PIWIL2: variants seen among roughly 807,000 people sequenced by gnomAD.
PIWIL2 encodes the protein piwi-like protein 2.
PIWIL2 carries 81 observed loss-of-function variants against 116.5 expected under a neutral mutation model. That is an observed-to-expected ratio of 0.70 (90% CI 0.58 to 0.84). The LOEUF (loss-of-function observed/expected upper bound fraction) is 0.84, where lower values mean the gene tolerates loss of function less well. Ranked by LOEUF, PIWIL2 falls within the 40% of genes least tolerant of loss-of-function variation. The probability of loss-of-function intolerance (pLI) is 0.00; values close to 1 mark genes in which losing one functional copy is unlikely to be tolerated. For synonymous variants in PIWIL2, 489 were observed against 429.5 expected (o/e 1.14, Z -1.71); for missense variants, 1,272 against 1,212.3 (o/e 1.05, Z -0.73).
At position 22,355,742 on chromosome 8, in the gene PIWIL2, G is replaced by C. The variant is rs1832475590; in HGVS notation, c.*237G>C. On this transcript the variant is annotated 3_prime_UTR_variant, in exon 23 of 23. Coordinates refer to ENST00000356766, the MANE Select transcript of PIWIL2 (RefSeq NM_018068.5). ...GTGTAGAGCAAGTTACGGTGGTACT[G>C]CCACTCTGCAGGTGGAGCGGGTGAC... 4 of 501,536 alleles carry C rather than the reference G, an allele frequency of 8.0e-6. No individual in the cohort carries two copies. Among genetic ancestry groups the C allele is most frequent in the Non-Finnish European group, 1.1e-5 (3 of 277,656 alleles). 31.1% of individuals were successfully genotyped at this position (501,536 alleles called of 1,614,324 possible). A position where few individuals can be genotyped will look rare whatever the true frequency, so the allele number is the denominator to read the frequency against.
rs746064496 is a variant in PIWIL2, at chr8:22,304,213, G to A, written c.1370+4G>A. 3.7e-6 allele frequency: 6 copies of A among 1,606,274 alleles called. No homozygotes were observed. The South Asian group carries it at 5.5e-5, about 15-fold the overall frequency. On this transcript the variant is annotated splice_donor_region_variant and intron_variant, in intron 11 of 22. Coordinates refer to ENST00000356766, the MANE Select transcript of PIWIL2 (RefSeq NM_018068.5). ...TCACATTCTTGGAATACTACAGGTA[G>A]CAAGAAGAGACTGGGTTTGGGCCTC... is the stretch of plus-strand genomic sequence containing the variant.
chr8:22,357,123 T>A lies in PIWIL2; in HGVS notation c.*1618T>A, dbSNP rs1476052450. The A allele has an allele frequency of 2.0e-5, 3 of 152,172 alleles. No individual in the cohort carries two copies. Among genetic ancestry groups the A allele is most frequent in the Non-Finnish European group, 4.4e-5 (3 of 68,040 alleles). 9.4% of individuals were successfully genotyped at this position (152,172 alleles called of 1,614,324 possible). ...AGCACATATACTAAAATTAAAATGA[T>A]ATAGAGAAGATTAGCATATAGAAAA... On this transcript the variant is annotated 3_prime_UTR_variant, in exon 23 of 23. Transcript: ENST00000356766.
At chr8:22,276,449 G>C (rs560505319) in intron 1 of PIWIL2, among the ~76,000 whole-genome samples, 1 of 152,156 alleles carries the variant, frequency 6.6e-6, no homozygotes, top group African/African-American at 2.4e-5. Flanking sequence ...CCGAGTAGCT[G>C]GGATTACAGG....
rs1256078554 is a variant in PIWIL2, at chr8:22,316,187, T to C, written c.2209-58T>C. 2.1e-5 allele frequency: 21 copies of C among 1,002,142 alleles called. 1 individual carries two copies. Among genetic ancestry groups the C allele is most frequent in the Non-Finnish European group, 1.3e-5 (8 of 628,550 alleles). 62.1% of individuals were successfully genotyped at this position (1,002,142 alleles called of 1,614,324 possible). A position where few individuals can be genotyped will look rare whatever the true frequency, so the allele number is the denominator to read the frequency against. On this transcript the variant is annotated intron_variant, in intron 18 of 22. Transcript: ENST00000356766. ...TTGGGATTCAGACAGTAATTAAAAATGGAGGAATGCATTGCTCAGGTCTGG... is the reference window on the plus strand; with the variant it reads ...TTGGGATTCAGACAGTAATTAAAAACGGAGGAATGCATTGCTCAGGTCTGG...
chr8:22,291,124 A>T (rs1830756507), intron 10 of PIWIL2, among the ~76,000 whole-genome samples: 1 of 149,858 alleles, frequency 6.7e-6, no homozygotes, highest in Admixed American at 6.7e-5. Context: ...GCCCGCCACC[A>T]TGTCCGGCTA....
intron 10 of PIWIL2, among the ~76,000 whole-genome samples, chr8:22,292,243 CTT>C (rs1830783273): frequency 1.3e-5 from 2 of 152,158 alleles, no homozygotes; most frequent in South Asian, 4.1e-4. Flanking sequence ...AAATGCAGGA[CTT>C]TGAGCAGTGC....
At chr8:22,308,947 G>T (rs1831257138) in intron 14 of PIWIL2, among the ~76,000 whole-genome samples, 1 of 151,980 alleles carries the variant, frequency 6.6e-6, no homozygotes, top group East Asian at 1.9e-4. Context: ...CACCACGCTA[G>T]CCCTTGTTTA....
intron 10 of PIWIL2, among the ~76,000 whole-genome samples, chr8:22,293,248 G>T (rs1287262248): frequency 1.3e-5 from 2 of 152,132 alleles, no homozygotes; most frequent in African/African-American, 4.8e-5. Context: ...GTTCAAGGCT[G>T]CAATGTGCTA....
intron 20 of PIWIL2, among the ~76,000 whole-genome samples, chr8:22,323,392 G>A (rs759163180): frequency 9.2e-5 from 14 of 151,740 alleles, no homozygotes; most frequent in African/African-American, 2.2e-4. Flanking sequence ...GTGATCCGCC[G>A]GCCTCAGCCT....
intron 16 of PIWIL2, among the ~76,000 whole-genome samples, chr8:22,313,214 A>G (rs1563388008): frequency 2.6e-5 from 4 of 152,136 alleles, no homozygotes; most frequent in Non-Finnish European, 1.5e-5. Context: ...GCATTCCATT[A>G]TCATCTCTAT....
intron 20 of PIWIL2, among the ~76,000 whole-genome samples, chr8:22,337,721 ACT>A (rs1292740742): frequency 1.3e-5 from 2 of 151,654 alleles, no homozygotes; most frequent in Non-Finnish European, 2.9e-5. Flanking sequence ...TAAGAGCAAA[ACT>A]CTGTCTCAAA....
intron 20 of PIWIL2, among the ~76,000 whole-genome samples, chr8:22,348,512 C>T (rs1419510821): frequency 1.3e-5 from 2 of 152,292 alleles, no homozygotes; most frequent in East Asian, 3.9e-4. Context: ...ACATTCATTA[C>T]TTACTGTTTC....
chr8:22,322,032 T>G (rs74991958), intron 20 of PIWIL2: 10 of 960,648 alleles, frequency 1.0e-5, no homozygotes, highest in South Asian at 4.8e-5. Context: ...TTTTTTTTTT[T>G]GTAAATAAAC....
chr8:22,338,262 G>A (rs962988653), intron 20 of PIWIL2, among the ~76,000 whole-genome samples: 10 of 152,128 alleles, frequency 6.6e-5, no homozygotes, highest in African/African-American at 2.2e-4. Context: ...CAACAACAAC[G>A]ACAACACAAA....
chr8:22,296,949 G>A (rs939453562), intron 10 of PIWIL2, among the ~76,000 whole-genome samples: 13 of 150,952 alleles, frequency 8.6e-5, no homozygotes, highest in Non-Finnish European at 1.3e-4. Flanking sequence ...TTTTCTTTTC[G>A]CCCTTTGAGA....
In PIWIL2 at chr8:22,354,383, G is replaced by A. The variant is rs774689818; in HGVS notation, c.2765+5G>A. ...GAGCCCTGATCATATGCAGAGGTGG[G>A]CCCATCAGTAACTTACTCTTTCTCT... On this transcript the variant is annotated splice_donor_5th_base_variant and intron_variant, in intron 22 of 22. Transcript: ENST00000356766. The A allele has an allele frequency of 1.3e-6, 2 of 1,569,960 alleles. No individual in the cohort carries two copies. Among genetic ancestry groups the A allele is most frequent in the South Asian group, 2.2e-5 (2 of 90,170 alleles).
At chr8:22,315,936 TC>T (rs1264767644) in intron 18 of PIWIL2, among the ~76,000 whole-genome samples, 1 of 152,206 alleles carries the variant, frequency 6.6e-6, no homozygotes, top group East Asian at 1.9e-4. Context: ...TCTTTGAGTG[TC>T]ATGTCGGTGC....
At chr8:22,353,236 T>C (rs1832414653) in intron 21 of PIWIL2, 24 bp downstream of exon 21, 3 of 1,588,818 alleles carry the variant, frequency 1.9e-6, no homozygotes, top group Non-Finnish European at 2.6e-6. Flanking sequence ...ATATGTAGTA[T>C]TGGAGGAAGA....
At chr8:22,339,073 T>TG (rs371012811) in intron 20 of PIWIL2, among the ~76,000 whole-genome samples, 13 of 152,162 alleles carry the variant, frequency 8.5e-5, no homozygotes, top group African/African-American at 3.1e-4. Context: ...TGCCATTCGG[T>TG]GGGGGAAAGA....
Sources: allele counts gnomAD v4.1 joint callset (sites outside exome capture counted in the v4.1 genomes callset), GRCh38; gene constraint gnomAD v4.1.1; transcripts MANE v1.5; gene names NCBI Gene and HGNC (gene_info 2026-07-23, HGNC 2026-07-21).